The following ASPDH variants were observed in gnomAD, a reference collection of about 807,000 sequenced individuals.
ASPDH encodes the protein aspartate dehydrogenase domain containing.
A neutral mutation model predicts 30.5 loss-of-function variants in ASPDH; 25 were observed. The ratio of observed to expected loss-of-function variants is 0.82; its 90% CI spans 0.60 to 1.14. The LOEUF is 1.14. Ranked by LOEUF, ASPDH falls within the 50% of genes most tolerant of loss-of-function variation. ASPDH has a pLI of 0.00. For missense variants in ASPDH, 401 were observed against 381.5 expected, an observed-to-expected ratio of 1.05 and a Z score of -0.43; for synonymous variants, 168 against 156.3, an observed-to-expected ratio of 1.07 and a Z score of -0.56.
Position 50,511,607 on chromosome 19 carries a change from G to T in ASPDH, c.*123C>A. On this transcript the variant is annotated 3_prime_UTR_variant, in exon 7 of 7. Coordinates refer to ENST00000389208, the MANE Select transcript of ASPDH (RefSeq NM_001114598.2). Reference sequence around the variant, plus strand: ...ATCAGAGACGCCAGGCGGTGCGGGGGGAGGCAGCGGTGATCTTTACTGAGT... The same window carrying T: ...ATCAGAGACGCCAGGCGGTGCGGGGTGAGGCAGCGGTGATCTTTACTGAGT... The T allele has an allele frequency of 1.9e-6, 1 of 513,270 alleles. No homozygotes were observed. Among genetic ancestry groups the T allele is most frequent in the Non-Finnish European group, 3.2e-6 (1 of 307,972 alleles). The allele number at this position is 513,270 out of a possible 1,614,324, so 31.8% of individuals were successfully genotyped here. A position where few individuals can be genotyped will look rare whatever the true frequency, so the allele number is the denominator to read the frequency against.
Position 50,513,147 on chromosome 19 carries a change from C to A in ASPDH, c.197+125G>T. On this transcript the variant is annotated intron_variant, in intron 2 of 6. Transcript: ENST00000389208. The surrounding 1 kb of genome is among the most constrained non-coding windows in gnomAD (Gnocchi z 4.9). Reference sequence around the variant, plus strand: ...GCGAAATGAGATGAATGGGTTCGTCCTGTTTCACATTTGCTTGAACCAAGG... The same window carrying A: ...GCGAAATGAGATGAATGGGTTCGTCATGTTTCACATTTGCTTGAACCAAGG... 8.0e-7 allele frequency: 1 copy of A among 1,256,896 alleles called. No individual in the cohort carries two copies. Among genetic ancestry groups the A allele is most frequent in the Non-Finnish European group, 1.1e-6 (1 of 916,370 alleles). The allele number at this position is 1,256,896 out of a possible 1,614,324, so 77.9% of individuals were successfully genotyped here.
chr19:50,513,786 C>T lies in ASPDH; in HGVS notation c.38G>A (p.Gly13Asp). 1 of 1,550,624 alleles carries T rather than the reference C, an allele frequency of 6.4e-7. No individual in the cohort carries two copies. The highest frequency in any genetic ancestry group is 8.7e-7 in the Non-Finnish European group (1 of 1,146,356). ...DRGPWRVGVV[G>D]YGRLGQSLVS... is the part of the protein sequence containing the mutation. The stretch of plus-strand genomic sequence containing the variant: ...CAGGGACTCACCGAGGCGGCCATAG[C>T]CCACCACGCCCACCCTCCACGGGCC... Residue 13 changes from glycine (G) to aspartate (D), a missense_variant, in exon 1 of 7, where the codon GGC becomes GAC. Gly to Asp is a moderately conservative substitution (Grantham distance 94). Transcript: ENST00000389208. This position sits in a 1 kb window ranked among gnomAD's most constrained non-coding sequence, Gnocchi z 4.9.
upstream of ASPDH, chr19:50,514,549 A>G: frequency 6.2e-7 from 1 of 1,613,690 alleles, no homozygotes; most frequent in Non-Finnish European, 8.5e-7. Context: ...TCTCGCTCCC[A>G]CGTCCGTCCC....
At chr19:50,514,928 A>G (rs1980170418), upstream of ASPDH, 1 of 985,320 alleles carries the variant, frequency 1.0e-6, no homozygotes, top group South Asian at 4.7e-5. Flanking sequence ...GCTGCTGATA[A>G]GGGAGGAATT....
In ASPDH at chr19:50,511,767, C is replaced by T; in HGVS notation, c.815G>A (p.Cys272Tyr). 1 of 1,314,022 alleles carries T rather than the reference C, an allele frequency of 7.6e-7. No individual in the cohort carries two copies. Among genetic ancestry groups the T allele is most frequent in the Non-Finnish European group, 9.7e-7 (1 of 1,026,410 alleles). The allele number at this position is 1,314,022 out of a possible 1,614,324, so 81.4% of individuals were successfully genotyped here. The change falls in exon 7 of 7, where the codon TGC becomes TAC. Residue 272 changes from cysteine (C) to tyrosine (Y), a missense_variant. Cys to Tyr is a radical substitution (Grantham distance 194). Coordinates refer to ENST00000389208, the MANE Select transcript of ASPDH (RefSeq NM_001114598.2). ...TAFWQSLLACCQLPSRPGIHL... is the reference protein window; with the variant it reads ...TAFWQSLLACYQLPSRPGIHL... ...GATCCCCGGCCTGGAGGGGAGCTGG[C>T]AGCAGGCTGCGGGGAGAGGGGAATG...
At position 50,513,441 on chromosome 19, in the gene ASPDH, T is replaced by TAGAGATCCAGAGAGAGGGGGAC; in HGVS notation, c.53-47_53-26dup. 6.8e-7 allele frequency: 1 copy of TAGAGATCCAGAGAGAGGGGGAC among 1,459,860 alleles called. No individual in the cohort carries two copies. Among genetic ancestry groups the TAGAGATCCAGAGAGAGGGGGAC allele is most frequent in the Non-Finnish European group, 9.1e-7 (1 of 1,103,786 alleles). 90.4% of individuals were successfully genotyped at this position (1,459,860 alleles called of 1,614,324 possible). A position where few individuals can be genotyped will look rare whatever the true frequency, so the allele number is the denominator to read the frequency against. On this transcript the variant is annotated intron_variant, in intron 1 of 6. Coordinates refer to ENST00000389208, the MANE Select transcript of ASPDH (RefSeq NM_001114598.2). This position sits in a 1 kb window ranked among gnomAD's most constrained non-coding sequence, Gnocchi z 4.9. ...CCTGGGGAGAGGGAAAGGAGAGGGC[T>TAGAGATCCAGAGAGAGGGGGAC]AGAGATCCAGAGAGAGGGGGACAGA...
Position 50,512,541 on chromosome 19 carries a change from G to A in ASPDH, c.472C>T (p.Arg158Trp), listed in dbSNP as rs775240844. 5 of 1,535,974 alleles carry A rather than the reference G, an allele frequency of 3.3e-6. No individual in the cohort carries two copies. The highest frequency in any genetic ancestry group is 1.3e-5 in the South Asian group (1 of 77,998). The part of the protein sequence containing the change: ...VTMATHPDGF[R>W]LEGPLAAAHS... ...GCTGCAGCCAGGGGTCCCTCAAGCC[G>A]GAAGCCATCGGGGTGTGTGGCCATG... The change falls in exon 5 of 7, where the codon CGG becomes TGG. Residue 158 changes from arginine to tryptophan, a missense_variant. Arg to Trp is a moderately radical substitution (Grantham distance 101). Transcript: ENST00000389208.
Position 50,512,382 on chromosome 19 carries a change from C to T in ASPDH, c.631G>A (p.Gly211Arg), listed in dbSNP as rs746308634. Reference sequence around the variant, plus strand: ...CACCTGGTATCAGCCACGAGCACCCCAATCACCCCATCGAAGCCCAGGCTG... The same window carrying T: ...CACCTGGTATCAGCCACGAGCACCCTAATCACCCCATCGAAGCCCAGGCTG... ...APSLGFDGVI[G>R]VLVADTSLTD... The change falls in exon 5 of 7, where the codon GGG (glycine) becomes AGG (arginine). Residue 211 changes from glycine to arginine, a missense_variant. Gly to Arg is a moderately radical substitution (Grantham distance 125, BLOSUM62 -2). Transcript: ENST00000389208. The T allele has an allele frequency of 1.2e-6, 2 of 1,613,906 alleles. No individual in the cohort carries two copies. The highest frequency in any genetic ancestry group is 1.7e-6 in the Non-Finnish European group (2 of 1,179,978).
chr19:50,513,664 C>T lies in ASPDH; in HGVS notation c.52+108G>A. 2.2e-6 allele frequency: 2 copies of T among 907,502 alleles called. No individual in the cohort carries two copies. The highest frequency in any genetic ancestry group is 3.4e-6 in the Non-Finnish European group (2 of 581,776). 56.2% of individuals were successfully genotyped at this position (907,502 alleles called of 1,614,324 possible). ...GGTGCAGTGGGCAGACCCAGAGACA[C>T]AGCCAGGGGCAGATAGAGAGAGAAA... On this transcript the variant is annotated intron_variant, in intron 1 of 6. Transcript: ENST00000389208. The surrounding 1 kb of genome is among the most constrained non-coding windows in gnomAD (Gnocchi z 4.9).
chr19:50,513,817 C>T lies in ASPDH; in HGVS notation c.7G>A (p.Asp3Asn), dbSNP rs763913462. The T allele has an allele frequency of 2.1e-5, 33 of 1,550,532 alleles. No homozygotes were observed. The highest frequency in any genetic ancestry group is 2.7e-5 in the African/African-American group (2 of 73,124). ...ACGCCCACCCTCCACGGGCCCCTGTCGGCCATGGCCCTGAGTGCGGTGTCT... is the reference window on the plus strand; with the variant it reads ...ACGCCCACCCTCCACGGGCCCCTGTTGGCCATGGCCCTGAGTGCGGTGTCT... Reference protein sequence around the residue: MADRGPWRVGVVG... With the variant: MANRGPWRVGVVG... Residue 3 changes from aspartate to asparagine, a missense_variant, in exon 1 of 7, where the codon GAC becomes AAC. Coordinates refer to ENST00000389208, the MANE Select transcript of ASPDH (RefSeq NM_001114598.2). This position sits in a 1 kb window ranked among gnomAD's most constrained non-coding sequence, Gnocchi z 4.9.
At position 50,513,844 on chromosome 19, in the gene ASPDH, G is replaced by A; in HGVS notation, c.-21C>T. The A allele has an allele frequency of 1.9e-6, 3 of 1,548,668 alleles. No individual in the cohort carries two copies. The highest frequency in any genetic ancestry group is 2.6e-6 in the Non-Finnish European group (3 of 1,146,138). ...GCCATGGCCCTGAGTGCGGTGTCTG[G>A]GGCCTGGCTCCCTGGGCTGCTCGCT... On this transcript the variant is annotated 5_prime_UTR_variant, in exon 1 of 7. Coordinates refer to ENST00000389208, the MANE Select transcript of ASPDH (RefSeq NM_001114598.2). This position sits in a 1 kb window ranked among gnomAD's most constrained non-coding sequence, Gnocchi z 4.9.
rs1295636855 is a variant in ASPDH, at chr19:50,512,371, C to T, written c.642G>A (p.Val214=). The part of the protein sequence containing the change: ...LGFDGVIGVL[V]ADTSLTDMHV... ...TTAGCTCTGCTCACCTGGTATCAGC[C>T]ACGAGCACCCCAATCACCCCATCGA... Residue 214 remains valine (V), a synonymous_variant, in exon 5 of 7, where the codon GTG becomes GTA. Coordinates refer to ENST00000389208, the MANE Select transcript of ASPDH (RefSeq NM_001114598.2). 7 of 1,613,820 alleles carry T rather than the reference C, an allele frequency of 4.3e-6. No individual in the cohort carries two copies. The highest frequency in any genetic ancestry group is 4.0e-5 in the African/African-American group (3 of 74,942).
At position 50,512,770 on chromosome 19, in the gene ASPDH, C is replaced by T. The variant is rs778530582; in HGVS notation, c.323G>A (p.Arg108Gln). ...PSALSDQTTE[R>Q]QLLEASQHWD... ...GTGCTGTGAGGCCTCCAAGAGCTGC[C>T]GCTCTGTGGTCTGGTCACTTAGAGC... is the stretch of plus-strand genomic sequence containing the variant. Residue 108 changes from arginine to glutamine, a missense_variant, in exon 4 of 7, where the codon CGG (arginine) becomes CAG (glutamine). By Grantham distance (43) the Arg-to-Gln change is conservative. Coordinates refer to ENST00000389208, the MANE Select transcript of ASPDH (RefSeq NM_001114598.2). The T allele has an allele frequency of 4.5e-6, 7 of 1,571,944 alleles. No individual in the cohort carries two copies. Among genetic ancestry groups the T allele is most frequent in the African/African-American group, 1.3e-5 (1 of 74,158 alleles).
chr19:50,514,544 C>T (rs761798048), upstream of ASPDH: 2 of 1,613,994 alleles, frequency 1.2e-6, no homozygotes, highest in Non-Finnish European at 8.5e-7. Flanking sequence ...GACGTTCTCG[C>T]TCCCACGTCC....
chr19:50,512,495 G>A lies in ASPDH; in HGVS notation c.518C>T (p.Thr173Ile), dbSNP rs200316339. The A allele has an allele frequency of 2.0e-5, 32 of 1,572,122 alleles. No individual in the cohort carries two copies. The highest frequency in any genetic ancestry group is 2.6e-5 in the Non-Finnish European group (30 of 1,161,202). Residue 173 changes from threonine to isoleucine, a missense_variant, in exon 5 of 7, where the codon ACT becomes ATT. Coordinates refer to ENST00000389208, the MANE Select transcript of ASPDH (RefSeq NM_001114598.2). Reference sequence around the variant, plus strand: ...ACGGACAGGGCCTTCGTAGAGCACAGTGCAAGGCCCAGGGCTGTGGGCTGC... The same window carrying A: ...ACGGACAGGGCCTTCGTAGAGCACAATGCAAGGCCCAGGGCTGTGGGCTGC... ...LAAAHSPGPC[T>I]VLYEGPVRGL...
Position 50,513,247 on chromosome 19 carries a change from ACT to A in ASPDH, c.197+23_197+24del. The stretch of plus-strand genomic sequence containing the variant: ...CAGGACAGGAGCTTCAGGGAGCTCC[ACT>A]CTCCCATGGCAAGGTCACTGACCTT... On this transcript the variant is annotated intron_variant, in intron 2 of 6. Transcript: ENST00000389208. The surrounding 1 kb of genome is among the most constrained non-coding windows in gnomAD (Gnocchi z 4.9). The A allele has an allele frequency of 6.9e-7, 1 of 1,446,776 alleles. No homozygotes were observed. The highest frequency in any genetic ancestry group is 9.1e-7 in the Non-Finnish European group (1 of 1,095,666). 89.6% of individuals were successfully genotyped at this position (1,446,776 alleles called of 1,614,324 possible).
chr19:50,514,413 T>C, upstream of ASPDH: 1 of 1,606,860 alleles, frequency 6.2e-7, no homozygotes, highest in African/African-American at 1.3e-5. Flanking sequence ...GCAGCACGGG[T>C]CCCCTTCCCA....
At position 50,513,745 on chromosome 19, in the gene ASPDH, G is replaced by A. The variant is rs1397552069; in HGVS notation, c.52+27C>T. On this transcript the variant is annotated intron_variant, in intron 1 of 6. Transcript: ENST00000389208. This position sits in a 1 kb window ranked among gnomAD's most constrained non-coding sequence, Gnocchi z 4.9. ...GAGCTTTAGGAAGGGGTTTGGGGAA[G>A]GAGGCCAAGGATGGTCAGGGACTCA... The A allele has an allele frequency of 5.4e-6, 8 of 1,494,628 alleles. No individual in the cohort carries two copies. In the Admixed American group the frequency reaches 1.4e-4, roughly 26 times the overall value. The allele number at this position is 1,494,628 out of a possible 1,614,324, so 92.6% of individuals were successfully genotyped here.
Position 50,512,772 on chromosome 19 carries a change from C to G in ASPDH, c.321G>C (p.Glu107Asp), listed in dbSNP as rs745641748. The G allele has an allele frequency of 1.3e-5, 20 of 1,575,092 alleles. No homozygotes were observed. In the East Asian group the frequency reaches 4.4e-4, roughly 35 times the overall value. The change falls in exon 4 of 7, where the codon GAG (glutamate) becomes GAC (aspartate). Residue 107 changes from glutamate to aspartate, a missense_variant. By Grantham distance (45) the Glu-to-Asp change is conservative. Transcript: ENST00000389208. ...GCTGTGAGGCCTCCAAGAGCTGCCG[C>G]TCTGTGGTCTGGTCACTTAGAGCTG... ...SPSALSDQTT[E>D]RQLLEASQHW...
Sources: gnomAD v4.1 joint callset for allele counts on GRCh38, gnomAD v4.1.1 for gene constraint, Gnocchi (gnomAD v3.1) non-coding constraint, MANE v1.5 for transcripts, NCBI Gene and HGNC (gene_info 2026-07-23, HGNC 2026-07-21) for gene names.